TSPEAR: variants seen among roughly 807,000 people sequenced by gnomAD.
TSPEAR encodes thrombospondin-type laminin G domain and EAR repeat-containing protein.
In TSPEAR, 69 loss-of-function variants were observed where a neutral mutation model predicts 71.6. That is an observed-to-expected ratio of 0.96 (90% confidence interval 0.79 to 1.18). The LOEUF (loss-of-function observed/expected upper bound fraction) is 1.18, where lower values mean the gene tolerates loss of function less well. Among genes scored for constraint, TSPEAR ranks in the 50% most tolerant of loss-of-function variants. The pLI is 0.00. For synonymous variants in TSPEAR, 402 were observed against 387.2 expected (o/e 1.04, Z -0.45); for missense variants, 971 against 894.9 (o/e 1.09, Z -1.09).
chr21:44,642,326 C>T lies in TSPEAR; in HGVS notation c.82+69107G>A, dbSNP rs1339238465. On this transcript the variant is annotated intron_variant, in intron 1 of 11. Coordinates refer to ENST00000323084, the MANE Select transcript of TSPEAR (RefSeq NM_144991.3). This position sits in a 1 kb window ranked among gnomAD's most constrained non-coding sequence, Gnocchi z 4.1. ...TCAATACAAAGACTTTTCTGTGATACTTGAAATATTCCAGAGATCAGAAGA... is the reference window on the plus strand; with the variant it reads ...TCAATACAAAGACTTTTCTGTGATATTTGAAATATTCCAGAGATCAGAAGA... Among the ~76,000 whole-genome samples, 1 of 152,144 alleles carries T rather than the reference C, an allele frequency of 6.6e-6. No individual in the cohort carries two copies. Among genetic ancestry groups the T allele is most frequent in the Non-Finnish European group, 1.5e-5 (1 of 68,030 alleles).
At chr21:44,574,822 G>A in intron 1 of TSPEAR, 1 of 1,613,942 alleles carries the variant, frequency 6.2e-7, no homozygotes, top group Non-Finnish European at 8.5e-7. Context: ...ACCTCCTGCT[G>A]CAGACCCTCC....
Position 44,528,567 on chromosome 21 carries a change from C to T in TSPEAR, c.807G>A (p.Val269=), listed in dbSNP as rs138145297. Residue 269 remains valine, a synonymous_variant, in exon 6 of 12, where the codon GTG becomes GTA. Transcript: ENST00000323084. ...TACACGGTGGCTGGGGTCCCAGCGT[C>T]ACTCGAATGTTGGTTTCTGAGGGGA... ...LKYPYETNIR[V]TLGPQPPCTE... The T allele has an allele frequency of 7.4e-6, 12 of 1,614,020 alleles. No individual in the cohort carries two copies. The African/African-American group carries it at 1.6e-4, about 22-fold the overall frequency.
At position 44,562,872 on chromosome 21, in the gene TSPEAR, C is replaced by T. The variant is rs144551067; in HGVS notation, c.303+4913G>A. On this transcript the variant is annotated intron_variant, in intron 2 of 11. Coordinates refer to ENST00000323084, the MANE Select transcript of TSPEAR (RefSeq NM_144991.3). ...CATCTTACGAGTCATACTAGCGTTC[C>T]GCAGACCAAAAGCAAGTAACTCCAG... 8.3e-3 allele frequency among the ~76,000 whole-genome samples: 1,263 copies of T among 152,246 alleles called. 15 individuals carry two copies. Among genetic ancestry groups the T allele is most frequent in the African/African-American group, 0.028 (1,181 of 41,550 alleles).
chr21:44,623,018 C>T lies in TSPEAR; in HGVS notation c.83-55013G>A, dbSNP rs868940874. On this transcript the variant is annotated intron_variant, in intron 1 of 11. Coordinates refer to ENST00000323084, the MANE Select transcript of TSPEAR (RefSeq NM_144991.3). This position sits in a 1 kb window ranked among gnomAD's most constrained non-coding sequence, Gnocchi z 4.5. ...TCTTTTGCCATGTGACATGCCCACTCCCCCTTCACCTTCCACCATGAGCAA... is the reference window on the plus strand; with the variant it reads ...TCTTTTGCCATGTGACATGCCCACTTCCCCTTCACCTTCCACCATGAGCAA... 6.6e-6 allele frequency among the ~76,000 whole-genome samples: 1 copy of T among 152,160 alleles called. No individual in the cohort carries two copies. The highest frequency in any genetic ancestry group is 2.4e-5 in the African/African-American group (1 of 41,436).
chr21:44,574,777 G>A (rs1555923567), intron 1 of TSPEAR: 2 of 1,614,008 alleles, frequency 1.2e-6, no homozygotes, highest in East Asian at 4.5e-5. Flanking sequence ...TCTTCATGCT[G>A]CCAGCAATCT....
At chr21:44,652,793 T>A (rs1183899019) in intron 1 of TSPEAR, among the ~76,000 whole-genome samples, 2 of 152,172 alleles carry the variant, frequency 1.3e-5, no homozygotes, top group African/African-American at 4.8e-5. Context: ...TACACATTTT[T>A]AAATAGTTAA....
chr21:44,544,173 G>A (rs781936922), intron 2 of TSPEAR, among the ~76,000 whole-genome samples: 1 of 152,092 alleles, frequency 6.6e-6, no homozygotes, highest in African/African-American at 2.4e-5. Context: ...GTTTCCATGT[G>A]TTTATTTGCC....
intron 1 of TSPEAR, among the ~76,000 whole-genome samples, chr21:44,653,565 T>C (rs1555941901): frequency 6.6e-6 from 1 of 152,190 alleles, no homozygotes; most frequent in Admixed American, 6.5e-5. Context: ...TCCCATCCAG[T>C]TGGATGAAGG....
At chr21:44,540,299 C>T in intron 2 of TSPEAR, 1 of 1,299,078 alleles carries the variant, frequency 7.7e-7, no homozygotes, top group Non-Finnish European at 1.1e-6. Flanking sequence ...GTTCCAGGGC[C>T]CACAGCGTCC....
Position 44,616,481 on chromosome 21 carries a change from G to C in TSPEAR, c.83-48476C>G, listed in dbSNP as rs1212632718. Among the ~76,000 whole-genome samples, 4 of 151,808 alleles carry C rather than the reference G, an allele frequency of 2.6e-5. 1 individual carries two copies. In the Middle Eastern group the frequency reaches 9.5e-3, roughly 360 times the overall value. On this transcript the variant is annotated intron_variant, in intron 1 of 11. Transcript: ENST00000323084. ...TACCTTTCACAGCCTGTCAGCCCCC[G>C]ACCCTGGTTCCCCAGTCCCTCACCA...
At chr21:44,503,854 T>C (rs1338095500) in intron 11 of TSPEAR, among the ~76,000 whole-genome samples, 1 of 123,054 alleles carries the variant, frequency 8.1e-6, no homozygotes, top group Non-Finnish European at 1.7e-5. Context: ...TGGTGAGCCC[T>C]TGGGGGGAAG....
intron 9 of TSPEAR, among the ~76,000 whole-genome samples, chr21:44,516,807 G>A (rs1343964496): frequency 6.6e-6 from 1 of 152,178 alleles, no homozygotes; most frequent in African/African-American, 2.4e-5. Context: ...CCTTGGACCT[G>A]TGATCTATGT....
intron 1 of TSPEAR, among the ~76,000 whole-genome samples, chr21:44,645,622 G>A (rs1555939383): frequency 6.6e-6 from 1 of 151,976 alleles, no homozygotes; most frequent in African/African-American, 2.4e-5. Context: ...AAAGTACTGG[G>A]ATTAGAGGCA....
At chr21:44,578,533 G>C (rs1025772588) in intron 1 of TSPEAR, among the ~76,000 whole-genome samples, 8 of 152,192 alleles carry the variant, frequency 5.3e-5, no homozygotes, top group Non-Finnish European at 1.2e-4. Context: ...GTCGGCGAGG[G>C]TGCTAGGGAT....
chr21:44,639,620 G>C (rs1055116100), intron 1 of TSPEAR, among the ~76,000 whole-genome samples: 2 of 152,200 alleles, frequency 1.3e-5, no homozygotes, highest in African/African-American at 4.8e-5. Flanking sequence ...AACCTGCCCC[G>C]GTTTTTGGGG....
chr21:44,629,748 T>C (rs939053513), intron 1 of TSPEAR, among the ~76,000 whole-genome samples: 1 of 152,232 alleles, frequency 6.6e-6, no homozygotes, highest in South Asian at 2.1e-4. Context: ...CTTCACCTGC[T>C]GAACAACGCT....
chr21:44,509,719 T>C (rs1016592756), intron 9 of TSPEAR: 15 of 316,446 alleles, frequency 4.7e-5, no homozygotes, highest in African/African-American at 3.3e-4. Context: ...GCAGCCTCCT[T>C]GGCCACTTCT....
chr21:44,551,464 A>G (rs587757087), intron 2 of TSPEAR: 55 of 1,601,500 alleles, frequency 3.4e-5, no homozygotes, highest in Non-Finnish European at 4.3e-5. Context: ...GCCATGCTGG[A>G]GTGGGGAGGA....
rs1413765855 is a variant in TSPEAR at position 44,568,071 on chromosome 21, C to G, written c.83-66G>C. The G allele has an allele frequency of 1.3e-5, 17 of 1,280,448 alleles. No homozygotes were observed. In the East Asian group the frequency reaches 4.3e-4, roughly 32 times the overall value. 79.3% of individuals were successfully genotyped at this position (1,280,448 alleles called of 1,614,324 possible). On this transcript the variant is annotated intron_variant, in intron 1 of 11. Transcript: ENST00000323084. ...CCCAAAAGTGGATACCCATAACAGC[C>G]AACATGTATGGGGCATCAGCGTGGC...
Sources: allele counts gnomAD v4.1 joint callset (sites outside exome capture counted in the v4.1 genomes callset), GRCh38; gene constraint gnomAD v4.1.1; non-coding constraint Gnocchi (gnomAD v3.1); transcripts MANE v1.5; gene names NCBI Gene and HGNC (gene_info 2026-07-23, HGNC 2026-07-21).